The following TRPM1 variants were observed in gnomAD, a reference collection of about 807,000 sequenced individuals.
The protein encoded by TRPM1 is transient receptor potential cation channel subfamily M member 1, also known as TRPM1-203 APA Isoform, Intron 10.
TRPM1 carries 113 observed loss-of-function variants against 149.4 expected under a neutral mutation model. The ratio of observed to expected loss-of-function variants is 0.76; its 90% CI spans 0.65 to 0.88. The LOEUF (loss-of-function observed/expected upper bound fraction) is 0.88. TRPM1 is among the 40% of genes least tolerant of loss of function. TRPM1 has a pLI of 0.00. For synonymous variants in TRPM1, 741 were observed against 759.5 expected (o/e 0.98, Z 0.40); for missense variants, 1,976 against 2,038.7 (o/e 0.97, Z 0.59).
chr15:31,080,511 C>T (rs949792274), intron 2 of TRPM1, among the ~76,000 whole-genome samples: 1 of 152,150 alleles, frequency 6.6e-6, no homozygotes, highest in Non-Finnish European at 1.5e-5. Flanking sequence ...AAATAACCCA[C>T]CTGCGTTCCT....
At chr15:31,136,324 G>A (rs959215653) in intron 1 of TRPM1, among the ~76,000 whole-genome samples, 7 of 152,192 alleles carry the variant, frequency 4.6e-5, no homozygotes, top group East Asian at 3.9e-4. Flanking sequence ...AGCCCCTGCC[G>A]TGCTTGCTGT....
intron 1 of TRPM1, among the ~76,000 whole-genome samples, chr15:31,150,157 A>G (rs1285494709): frequency 6.6e-6 from 1 of 152,112 alleles, no homozygotes; most frequent in African/African-American, 2.4e-5. Flanking sequence ...ATGGTGATGT[A>G]TTTTGCATGG....
intron 1 of TRPM1, among the ~76,000 whole-genome samples, chr15:31,088,908 A>C (rs564084613): frequency 2.6e-5 from 4 of 152,096 alleles, no homozygotes; most frequent in Non-Finnish European, 5.9e-5. Flanking sequence ...TTTGCCTACC[A>C]GAAGTCTGGT....
chr15:31,023,417 G>GT (rs1385150416), intron 27 of TRPM1, among the ~76,000 whole-genome samples: 5 of 152,220 alleles, frequency 3.3e-5, no homozygotes, highest in African/African-American at 4.8e-5. Flanking sequence ...GCCACAGAGG[G>GT]TTTTTCAGGA....
chr15:31,055,524 C>G (rs979171952), intron 11 of TRPM1, among the ~76,000 whole-genome samples: 2 of 152,196 alleles, frequency 1.3e-5, no homozygotes, highest in African/African-American at 4.8e-5. Flanking sequence ...GGAAGATGGT[C>G]TACAGAGCAG....
intron 10 of TRPM1, among the ~76,000 whole-genome samples, chr15:31,061,193 A>G (rs781497187): frequency 7.9e-5 from 12 of 152,218 alleles, no homozygotes; most frequent in Non-Finnish European, 1.5e-4. Context: ...GAAGCCCTCA[A>G]TGAACCAGTT....
chr15:31,155,462 A>C (rs1276887063), intron 1 of TRPM1, among the ~76,000 whole-genome samples: 2 of 152,222 alleles, frequency 1.3e-5, no homozygotes, highest in East Asian at 3.8e-4. Context: ...AGGCAGGCAC[A>C]AACCGTTGAG....
At chr15:31,113,217 G>A (rs1454404855) in intron 1 of TRPM1, among the ~76,000 whole-genome samples, 1 of 152,142 alleles carries the variant, frequency 6.6e-6, no homozygotes, top group Non-Finnish European at 1.5e-5. Context: ...TCACAGGAGT[G>A]AATCTCCCAG....
chr15:31,048,836 A>G (rs1464390697), intron 13 of TRPM1, among the ~76,000 whole-genome samples: 1 of 152,184 alleles, frequency 6.6e-6, no homozygotes, highest in African/African-American at 2.4e-5. Flanking sequence ...AAATTCACCA[A>G]GTTTTAGCAA....
intron 4 of TRPM1, chr15:31,069,799 C>T: frequency 6.8e-7 from 1 of 1,473,220 alleles, no homozygotes; most frequent in Non-Finnish European, 8.9e-7. Context: ...GGATTCAGAG[C>T]TTTGGTATGG....
At chr15:31,076,127 C>CG (rs3214509) in intron 3 of TRPM1, among the ~76,000 whole-genome samples, 58,214 of 151,666 alleles carry the variant, frequency 0.38, 12,931 homozygotes, top group East Asian at 0.6. Context: ...TTTCTTACCT[C>CG]GGGGGGCAAT....
intron 27 of TRPM1, among the ~76,000 whole-genome samples, chr15:31,024,762 G>T (rs28697571): frequency 0.071 from 10,863 of 152,226 alleles, 602 homozygotes; most frequent in African/African-American, 0.14. Flanking sequence ...AGTGGAAATT[G>T]GATTACATGG....
At chr15:31,078,278 C>A (rs1160557682) in intron 2 of TRPM1, among the ~76,000 whole-genome samples, 1 of 152,090 alleles carries the variant, frequency 6.6e-6, no homozygotes, top group Non-Finnish European at 1.5e-5. Flanking sequence ...CTGCAGAGGT[C>A]TGCAGTGACA....
At chr15:31,136,930 T>G (rs1029553285) in intron 1 of TRPM1, among the ~76,000 whole-genome samples, 1 of 152,112 alleles carries the variant, frequency 6.6e-6, no homozygotes, top group Non-Finnish European at 1.5e-5. Flanking sequence ...GGAAGGAACC[T>G]GAAAGAGAGA....
At chr15:31,005,463 T>C (rs998012336) in intron 27 of TRPM1, among the ~76,000 whole-genome samples, 2 of 151,874 alleles carry the variant, frequency 1.3e-5, no homozygotes, top group East Asian at 1.9e-4. Flanking sequence ...ACTTCTCTCC[T>C]CTCCCCTCCC....
chr15:31,145,104 C>T (rs1435456151), intron 1 of TRPM1, among the ~76,000 whole-genome samples: 1 of 152,164 alleles, frequency 6.6e-6, no homozygotes, highest in African/African-American at 2.4e-5. Flanking sequence ...TTACAACTCT[C>T]CGACTAAAAC....
rs1017583216 is a variant in TRPM1, at chr15:31,070,028, C to T, written c.279+3G>A. 1.2e-6 allele frequency: 2 copies of T among 1,614,110 alleles called. No homozygotes were observed. The highest frequency in any genetic ancestry group is 2.7e-5 in the African/African-American group (2 of 74,936). On this transcript the variant is annotated splice_donor_region_variant and intron_variant, in intron 4 of 27. Transcript: ENST00000256552. The stretch of plus-strand genomic sequence containing the variant: ...TGGCACCATGTCTGAATGCCTTTCT[C>T]ACCATGGCTTTATTGGAATATCCGC...
In TRPM1 at chr15:31,028,462, T is replaced by A. The variant is rs755767746; in HGVS notation, c.3163A>T (p.Asn1055Tyr). The A allele has an allele frequency of 1.2e-6, 2 of 1,614,104 alleles. No homozygotes were observed. Among genetic ancestry groups the A allele is most frequent in the Admixed American group, 1.7e-5 (1 of 60,018 alleles). ...AMEINPPCGE[N>Y]LYDEEGKRLP... is the part of the protein sequence containing the mutation. ...CGCTTGCCCTCCTCATCATATAGGT[T>A]CTCACCACAAGGAGCTGAAAGAAAA... Residue 1055 changes from asparagine (N) to tyrosine (Y), a missense_variant, in exon 25 of 28, where the codon AAC becomes TAC. Physicochemically the swap from Asn to Tyr is moderately radical, Grantham distance 143. Transcript: ENST00000256552.
At chr15:31,145,672 C>T (rs867976477) in intron 1 of TRPM1, among the ~76,000 whole-genome samples, 1 of 152,178 alleles carries the variant, frequency 6.6e-6, no homozygotes, top group Non-Finnish European at 1.5e-5. Context: ...GGAAGCTGTG[C>T]AGTTGCTGAC....
Sources: gnomAD v4.1 joint callset for allele counts (sites outside exome capture counted in the v4.1 genomes callset) on GRCh38, gnomAD v4.1.1 for gene constraint, MANE v1.5 for transcripts, NCBI Gene and HGNC (gene_info 2026-07-23, HGNC 2026-07-21) for gene names.